The following WWOX variants were observed in gnomAD, a reference collection of about 807,000 sequenced individuals.
WWOX encodes WW domain containing oxidoreductase.
WWOX carries 69 observed loss-of-function variants against 46.2 expected under a neutral mutation model. The observed-to-expected ratio is 1.49, with a 90% CI of 1.23 to 1.82. The LOEUF is 1.82. WWOX is among the 40% of genes most tolerant of loss of function. The pLI, the probability that WWOX is intolerant of heterozygous loss-of-function variation, is 0.00. For synonymous variants in WWOX, 359 were observed against 202.6 expected (o/e 1.77, Z -6.56); for missense variants, 919 against 542.6 (o/e 1.69, Z -6.89).
At chr16:78,685,932 A>G (rs996540854) in intron 8 of WWOX, among the ~76,000 whole-genome samples, 2 of 152,120 alleles carry the variant, frequency 1.3e-5, no homozygotes, top group African/African-American at 4.8e-5. Context: ...AGAGGTGGGT[A>G]GGGAGGGAGG....
chr16:78,567,575 AGAAGT>A (rs2044603879), intron 8 of WWOX, among the ~76,000 whole-genome samples: 1 of 148,628 alleles, frequency 6.7e-6, no homozygotes. Flanking sequence ...AAAAAAAAAA[AGAAGT>A]GAGTTTTTTT....
intron 8 of WWOX, among the ~76,000 whole-genome samples, chr16:79,023,223 G>T (rs2047569909): frequency 6.6e-6 from 1 of 152,290 alleles, no homozygotes; most frequent in Non-Finnish European, 1.5e-5. Context: ...CCATCTTGTT[G>T]GAAGGCTGTC....
At chr16:78,510,748 T>C (rs940748117) in intron 8 of WWOX, among the ~76,000 whole-genome samples, 5 of 152,246 alleles carry the variant, frequency 3.3e-5, no homozygotes, top group Admixed American at 2.0e-4. Context: ...GATAAACATA[T>C]GTGTGTATAT....
chr16:79,128,620 GTC>G (rs2049810810), intron 8 of WWOX, among the ~76,000 whole-genome samples: 1 of 152,172 alleles, frequency 6.6e-6, no homozygotes, highest in African/African-American at 2.4e-5. Context: ...GCACAGAAGG[GTC>G]TGGGCATTTA....
chr16:78,221,725 T>C (rs1400961501), intron 5 of WWOX, among the ~76,000 whole-genome samples: 1 of 152,214 alleles, frequency 6.6e-6, no homozygotes, highest in African/African-American at 2.4e-5. Context: ...ACAGATTGCC[T>C]TGGAGTGATG....
Position 78,785,319 on chromosome 16 carries a change from C to T in WWOX, c.1056+352567C>T, listed in dbSNP as rs74833674. Reference sequence around the variant, plus strand: ...CTCACTTCCCAGCAGCAGCTTTGAGCACCCTGCTCTGAATGTTTCTTGGGC... The same window carrying T: ...CTCACTTCCCAGCAGCAGCTTTGAGTACCCTGCTCTGAATGTTTCTTGGGC... On this transcript the variant is annotated intron_variant, in intron 8 of 8. Transcript: ENST00000566780. 1.6e-3 allele frequency among the ~76,000 whole-genome samples: 244 copies of T among 152,308 alleles called. 1 individual carries two copies. The highest frequency in any genetic ancestry group is 2.6e-3 in the Non-Finnish European group (174 of 68,032).
chr16:78,743,704 A>G (rs1342017219), intron 8 of WWOX, among the ~76,000 whole-genome samples: 1 of 152,054 alleles, frequency 6.6e-6, no homozygotes, highest in Non-Finnish European at 1.5e-5. Flanking sequence ...TTTGCATAGG[A>G]GCTGTAACTT....
At chr16:78,658,549 C>T (rs982059245) in intron 8 of WWOX, among the ~76,000 whole-genome samples, 3 of 152,178 alleles carry the variant, frequency 2.0e-5, no homozygotes, top group African/African-American at 4.8e-5. Flanking sequence ...TCCCGGGGCT[C>T]TCAGTGAAAG....
At chr16:78,493,645 A>G (rs768451225) in intron 8 of WWOX, among the ~76,000 whole-genome samples, 6 of 152,200 alleles carry the variant, frequency 3.9e-5, no homozygotes, top group African/African-American at 1.2e-4. Flanking sequence ...AGTACTTGCT[A>G]TGCACTTATA....
chr16:78,261,788 CTATATATA>C (rs71384369), intron 5 of WWOX, among the ~76,000 whole-genome samples: 120 of 73,690 alleles, frequency 1.6e-3, no homozygotes, highest in African/African-American at 2.6e-3. Context: ...ATCTATCTAT[CTATATATA>C]TATATATATA....
chr16:78,258,461 C>T (rs9938892), intron 5 of WWOX, among the ~76,000 whole-genome samples: 1 of 151,940 alleles, frequency 6.6e-6, no homozygotes, highest in Non-Finnish European at 1.5e-5. Context: ...AAACTAGATT[C>T]CCACTCGGAT....
At chr16:79,062,350 A>G (rs1261993139) in intron 8 of WWOX, among the ~76,000 whole-genome samples, 1 of 152,216 alleles carries the variant, frequency 6.6e-6, no homozygotes, top group Non-Finnish European at 1.5e-5. Context: ...GAGAAAAGGT[A>G]ATGGGGACCT....
chr16:78,516,346 C>T (rs879603785), intron 8 of WWOX, among the ~76,000 whole-genome samples: 1 of 152,130 alleles, frequency 6.6e-6, no homozygotes, highest in African/African-American at 2.4e-5. Context: ...ACAAACATAC[C>T]TCCAGGTCAA....
At chr16:78,438,648 G>A (rs1241372319) in intron 8 of WWOX, among the ~76,000 whole-genome samples, 1 of 152,108 alleles carries the variant, frequency 6.6e-6, no homozygotes, top group African/African-American at 2.4e-5. Flanking sequence ...TCATGTGTTA[G>A]GGTAGCAAGA....
intron 8 of WWOX, among the ~76,000 whole-genome samples, chr16:78,446,325 G>C (rs12445856): frequency 1.3e-5 from 2 of 152,132 alleles, no homozygotes; most frequent in East Asian, 1.9e-4. Context: ...TTTAAAGGTC[G>C]AATTTTGCCA....
At chr16:78,110,028 G>A (rs1276373996) in intron 3 of WWOX, among the ~76,000 whole-genome samples, 193 bp downstream of exon 3, 1 of 151,146 alleles carries the variant, frequency 6.6e-6, no homozygotes, top group Non-Finnish European at 1.5e-5. Flanking sequence ...TATTTTCCCC[G>A]CACACGCATC....
In WWOX at chr16:78,441,366, T is replaced by A. The variant is rs115057027; in HGVS notation, c.1056+8614T>A. Reference sequence around the variant, plus strand: ...GAAAGATGACCAGGTGCTGAATCAGTGAGAGTCCTTAATGTACTTCTTATC... The same window carrying A: ...GAAAGATGACCAGGTGCTGAATCAGAGAGAGTCCTTAATGTACTTCTTATC... On this transcript the variant is annotated intron_variant, in intron 8 of 8. Coordinates refer to ENST00000566780, the MANE Select transcript of WWOX (RefSeq NM_016373.4). 4.3e-3 allele frequency among the ~76,000 whole-genome samples: 650 copies of A among 152,342 alleles called. 8 individuals carry two copies. Among genetic ancestry groups the A allele is most frequent in the African/African-American group, 0.014 (597 of 41,560 alleles).
intron 8 of WWOX, among the ~76,000 whole-genome samples, chr16:78,807,433 G>C (rs1196874054): frequency 6.6e-6 from 1 of 152,156 alleles, no homozygotes; most frequent in South Asian, 2.1e-4. Flanking sequence ...TTGTTTTAAG[G>C]TCCATTAATC....
chr16:78,099,882 C>T lies in WWOX; in HGVS notation c.104C>T (p.Ala35Val), dbSNP rs1369873372. The T allele has an allele frequency of 6.4e-6, 10 of 1,564,104 alleles. No individual in the cohort carries two copies. Reference protein sequence around the residue: ...RTTKDGWVYYANHTEEKTQWE... With the variant: ...RTTKDGWVYYVNHTEEKTQWE... ...ACCAAGGACGGCTGGGTTTACTACG[C>T]CAAGTAAGGGGGCCGCAGTGGGGCC... The change falls in exon 1 of 9, where the codon GCC becomes GTC. Residue 35 changes from alanine to valine, a missense_variant. Coordinates refer to ENST00000566780, the MANE Select transcript of WWOX (RefSeq NM_016373.4).
Sources: gnomAD v4.1 joint callset for allele counts (sites outside exome capture counted in the v4.1 genomes callset) on GRCh38, gnomAD v4.1.1 for gene constraint, MANE v1.5 for transcripts, NCBI Gene and HGNC (gene_info 2026-07-23, HGNC 2026-07-21) for gene names.